Variants in MYEF2 observed in about 807,000 individuals in gnomAD.
MYEF2 encodes the protein myelin gene expression factor 2.
MYEF2 carries 37 observed loss-of-function variants against 75.2 expected under a neutral mutation model. The observed-to-expected ratio is 0.49, with a 90% CI of 0.38 to 0.65. The LOEUF is 0.65. Among genes scored for constraint, MYEF2 ranks in the 30% least tolerant of loss-of-function variants. The pLI is 0.00. For missense variants in MYEF2, 634 were observed against 771.4 expected (o/e 0.82, Z 2.11); for synonymous variants, 195 against 241.6 (o/e 0.81, Z 1.79).
chr15:48,178,190 G>T lies in MYEF2; in HGVS notation c.48C>A (p.Asp16Glu). The T allele has an allele frequency of 6.6e-7, 1 of 1,518,046 alleles. No individual in the cohort carries two copies. The highest frequency in any genetic ancestry group is 8.8e-7 in the Non-Finnish European group (1 of 1,133,988). 94.0% of individuals were successfully genotyped at this position (1,518,046 alleles called of 1,614,324 possible). Residue 16 changes from aspartate (D) to glutamate (E), a missense_variant, in exon 1 of 17, where the codon GAC (aspartate) becomes GAA (glutamate). By Grantham distance (45) the Asp-to-Glu change is conservative (BLOSUM62 2). Coordinates refer to ENST00000324324, the MANE Select transcript of MYEF2 (RefSeq NM_016132.5). ...KAEVPGATGG[D>E]SPHLQPAEPP... ...GCTCTGCGGGCTGCAGGTGCGGGCTGTCGCCACCAGTGGCCCCGGGCACCT... is the reference window on the plus strand; with the variant it reads ...GCTCTGCGGGCTGCAGGTGCGGGCTTTCGCCACCAGTGGCCCCGGGCACCT...
At chr15:48,147,174 T>C (rs1315066480) in intron 16 of MYEF2, among the ~76,000 whole-genome samples, 1 of 151,992 alleles carries the variant, frequency 6.6e-6, no homozygotes, top group Non-Finnish European at 1.5e-5. Flanking sequence ...TAGATTTGAA[T>C]GTTTTTTCCT....
At chr15:48,169,376 A>G (rs2040242101) in intron 1 of MYEF2, among the ~76,000 whole-genome samples, 1 of 152,188 alleles carries the variant, frequency 6.6e-6, no homozygotes, top group Admixed American at 6.5e-5. Context: ...ACATCTATAT[A>G]TGAATATACT....
chr15:48,165,889 T>G, intron 5 of MYEF2, 44 bp downstream of exon 5: 1 of 1,351,732 alleles, frequency 7.4e-7, no homozygotes, highest in Non-Finnish European at 1.0e-6. Flanking sequence ...GGAAAACATG[T>G]CTTTATAGTC....
At chr15:48,151,967 G>T (rs1229322794) in intron 11 of MYEF2, 25 bp from the exon 12 acceptor site, 1 of 1,605,834 alleles carries the variant, frequency 6.2e-7, no homozygotes, top group Non-Finnish European at 8.5e-7. Context: ...TTAATTTTGA[G>T]ATCCAACTGT....
intron 1 of MYEF2, among the ~76,000 whole-genome samples, chr15:48,170,957 T>C (rs926540916): frequency 6.6e-6 from 1 of 152,010 alleles, no homozygotes; most frequent in African/African-American, 2.4e-5. Flanking sequence ...TGCTTTGCCA[T>C]TTTTTTTAGA....
intron 5 of MYEF2, among the ~76,000 whole-genome samples, chr15:48,160,207 A>G (rs990300665): frequency 6.6e-6 from 1 of 152,148 alleles, no homozygotes; most frequent in South Asian, 2.1e-4. Flanking sequence ...AGACTAATTC[A>G]AAGCTTTTCA....
intron 1 of MYEF2, among the ~76,000 whole-genome samples, chr15:48,176,423 T>TATTTCTTC (rs2140950799): frequency 6.6e-6 from 1 of 152,240 alleles, no homozygotes; most frequent in South Asian, 2.1e-4. Flanking sequence ...TTACTAGTAA[T>TATTTCTTC]ATTTCTTCAT....
At chr15:48,151,661 C>A in intron 12 of MYEF2, 90 bp from the exon 13 acceptor site, 1 of 1,294,676 alleles carries the variant, frequency 7.7e-7, no homozygotes. Context: ...TGAAAAGACG[C>A]GTAAGTCACA....
chr15:48,177,950 C>T (rs1449575364), intron 1 of MYEF2, 127 bp downstream of exon 1: 4 of 1,278,434 alleles, frequency 3.1e-6, no homozygotes, highest in Non-Finnish European at 4.2e-6. Flanking sequence ...CTCAGGAAGC[C>T]GATGGCCCGG....
chr15:48,144,423 A>G (rs755439356), intron 16 of MYEF2, among the ~76,000 whole-genome samples: 5 of 151,982 alleles, frequency 3.3e-5, no homozygotes, highest in Admixed American at 6.6e-5. Flanking sequence ...CTAAACACTA[A>G]TTAAATGGTC....
intron 9 of MYEF2, among the ~76,000 whole-genome samples, chr15:48,155,148 A>T (rs947679917): frequency 2.0e-5 from 3 of 152,090 alleles, no homozygotes; most frequent in Non-Finnish European, 4.4e-5. Flanking sequence ...TGATTTTTTT[A>T]AAAAGTCTAA....
At chr15:48,157,768 A>G in intron 9 of MYEF2, 1 of 1,273,204 alleles carries the variant, frequency 7.9e-7, no homozygotes, top group South Asian at 2.5e-5. Context: ...TTTAGAATGT[A>G]TTGCTGATTA....
At position 48,143,027 on chromosome 15, in the gene MYEF2, T is replaced by C; in HGVS notation, c.1684A>G (p.Lys562Glu). The change falls in exon 17 of 17, where the codon AAA (lysine) becomes GAA (glutamate). Residue 562 changes from lysine to glutamate, a missense_variant. Coordinates refer to ENST00000324324, the MANE Select transcript of MYEF2 (RefSeq NM_016132.5). Reference sequence around the variant, plus strand: ...TCAAATCTGACTGTTCCACAGCCTTTTGACTTTCCATTCTCCATTTTTATT... The same window carrying C: ...TCAAATCTGACTGTTCCACAGCCTTCTGACTTTCCATTCTCCATTTTTATT... ...AEIKMENGKSKGCGTVRFDSP... is the reference protein window; with the variant it reads ...AEIKMENGKSEGCGTVRFDSP... 6.3e-7 allele frequency: 1 copy of C among 1,586,784 alleles called. No individual in the cohort carries two copies. Among genetic ancestry groups the C allele is most frequent in the East Asian group, 2.3e-5 (1 of 42,768 alleles).
intron 6 of MYEF2, 94 bp from the exon 7 acceptor site, chr15:48,159,016 A>G: frequency 9.3e-7 from 1 of 1,078,696 alleles, no homozygotes. Context: ...AAAACCATAA[A>G]GAACCATAAT....
rs779998906 is a variant in MYEF2, at chr15:48,142,348, T to C, written c.*560A>G. On this transcript the variant is annotated 3_prime_UTR_variant, in exon 17 of 17. Coordinates refer to ENST00000324324, the MANE Select transcript of MYEF2 (RefSeq NM_016132.5). ...ATAATAAAATAAGGGGCTGTGGAGG[T>C]TGATATTATTAATAGTGTTATGCAG... 41 of 1,581,402 alleles carry C rather than the reference T, an allele frequency of 2.6e-5. No individual in the cohort carries two copies. The highest frequency in any genetic ancestry group is 3.2e-5 in the Non-Finnish European group (37 of 1,160,226).
chr15:48,147,698 A>C (rs181669896), intron 16 of MYEF2, among the ~76,000 whole-genome samples: 1 of 151,924 alleles, frequency 6.6e-6, no homozygotes, highest in East Asian at 1.9e-4. Context: ...CTTTTTCTTG[A>C]ATTTTTGATT....
chr15:48,176,344 C>T (rs896669219), intron 1 of MYEF2, among the ~76,000 whole-genome samples: 2 of 151,378 alleles, frequency 1.3e-5, no homozygotes, highest in Admixed American at 1.3e-4. Context: ...GTAAATTGGA[C>T]TCGATTCAAC....
chr15:48,172,845 C>T (rs971595534), intron 1 of MYEF2, among the ~76,000 whole-genome samples: 8 of 152,094 alleles, frequency 5.3e-5, no homozygotes, highest in African/African-American at 1.9e-4. Context: ...GAACTGTCCA[C>T]TAACAAGGGA....
chr15:48,155,928 C>G (rs2039679607), intron 9 of MYEF2, among the ~76,000 whole-genome samples: 1 of 152,022 alleles, frequency 6.6e-6, no homozygotes, highest in Non-Finnish European at 1.5e-5. Context: ...GCATGCGCCA[C>G]CATGCCTGGC....
Sources: allele counts gnomAD v4.1 joint callset (sites outside exome capture counted in the v4.1 genomes callset), GRCh38; gene constraint gnomAD v4.1.1; transcripts MANE v1.5; gene names NCBI Gene and HGNC (gene_info 2026-07-23, HGNC 2026-07-21).